NBEA: variants seen among roughly 807,000 people sequenced by gnomAD.
The protein encoded by NBEA is neurobeachin, also known as lysosomal-trafficking regulator 2.
In NBEA, 44 loss-of-function variants were observed where a neutral mutation model predicts 343.4. The ratio of observed to expected loss-of-function variants is 0.13; its 90% CI spans 0.10 to 0.16. The LOEUF is 0.16. NBEA is among the 10% of genes least tolerant of loss of function. NBEA has a pLI of 1.00. For missense variants in NBEA, 2,555 were observed against 3,631.3 expected, an observed-to-expected ratio of 0.70 and a Z score of 7.62; for synonymous variants, 1,175 against 1,238.7, an observed-to-expected ratio of 0.95 and a Z score of 1.08.
At chr13:34,998,952 A>T (rs1178850578) in intron 1 of NBEA, among the ~76,000 whole-genome samples, 1 of 152,118 alleles carries the variant, frequency 6.6e-6, no homozygotes, top group East Asian at 1.9e-4. Flanking sequence ...TGCAGTAAAG[A>T]CAGGCGTAAG....
intron 31 of NBEA, among the ~76,000 whole-genome samples, chr13:35,203,328 G>A (rs896862188): frequency 5.3e-5 from 8 of 152,030 alleles, no homozygotes; most frequent in Non-Finnish European, 1.2e-4. Context: ...CTCTGCCTGT[G>A]ATGCTCTTCT....
At chr13:34,963,714 C>CT (rs1566096520) in intron 1 of NBEA, among the ~76,000 whole-genome samples, 4 of 151,346 alleles carry the variant, frequency 2.6e-5, no homozygotes, top group Non-Finnish European at 5.9e-5. Context: ...TTCCCCCCCC[C>CT]GATATATTTT....
intron 11 of NBEA, among the ~76,000 whole-genome samples, chr13:35,101,287 T>G (rs2065635596): frequency 6.6e-6 from 1 of 151,946 alleles, no homozygotes; most frequent in South Asian, 2.1e-4. Context: ...GACTCCAGCA[T>G]TTTACATCCT....
chr13:35,568,701 T>C (rs893864369), intron 45 of NBEA, among the ~76,000 whole-genome samples: 4 of 152,186 alleles, frequency 2.6e-5, no homozygotes, highest in Non-Finnish European at 4.4e-5. Context: ...TTTTGAAATA[T>C]CAATATATAC....
At chr13:35,311,656 C>A (rs78726238) in intron 36 of NBEA, among the ~76,000 whole-genome samples, 6,303 of 152,182 alleles carry the variant, frequency 0.041, 152 homozygotes, top group South Asian at 0.078. Flanking sequence ...GAGTTTGAGA[C>A]CGGTCTGGCT....
rs1270858294 is a variant in NBEA at position 35,671,017 on chromosome 13, G to T, written c.*26G>T. ...AGATAAAGGAAGAACCAAAAGCCAA[G>T]TTAAAGCTGAGAGCACAAGTGCTGC... On this transcript the variant is annotated 3_prime_UTR_variant, in exon 59 of 59. Coordinates refer to ENST00000379939, the MANE Select transcript of NBEA (RefSeq NM_001385012.1). The T allele has an allele frequency of 3.3e-6, 5 of 1,514,166 alleles. No homozygotes were observed. The highest frequency in any genetic ancestry group is 4.5e-6 in the Non-Finnish European group (5 of 1,113,184). 93.8% of individuals were successfully genotyped at this position (1,514,166 alleles called of 1,614,324 possible).
intron 34 of NBEA, among the ~76,000 whole-genome samples, chr13:35,277,647 A>AG (rs1566556819): frequency 3.2e-5 from 4 of 124,218 alleles, no homozygotes; most frequent in South Asian, 3.0e-4. Context: ...AAAAAAAAAA[A>AG]AGTGGGGGAA....
intron 1 of NBEA, among the ~76,000 whole-genome samples, chr13:35,029,994 G>A (rs73167742): frequency 0.082 from 12,435 of 151,538 alleles, 633 homozygotes; most frequent in African/African-American, 0.14. Context: ...AAAGAACACC[G>A]TTAACTGTGC....
At chr13:35,577,777 T>C (rs1330655285) in intron 45 of NBEA, among the ~76,000 whole-genome samples, 1 of 152,154 alleles carries the variant, frequency 6.6e-6, no homozygotes, top group African/African-American at 2.4e-5. Context: ...TTCGAAGGGC[T>C]ACACTACTGG....
chr13:35,177,085 T>C lies in NBEA; in HGVS notation c.4644T>C (p.Ala1548=). ...ATGTTGATATCAATCGCCTTCGTGC[T>C]GTTGTCTTTCGGGATGTGGTAAGTT... ...LQDVDINRLR[A]VVFRDVDDSK... is the part of the protein sequence containing the mutation. The change falls in exon 28 of 59, where the codon GCT becomes GCC. Residue 1548 remains alanine, a synonymous_variant. Transcript: ENST00000379939. 6.2e-7 allele frequency: 1 copy of C among 1,600,580 alleles called. No individual in the cohort carries two copies. Among genetic ancestry groups the C allele is most frequent in the Non-Finnish European group, 8.5e-7 (1 of 1,172,274 alleles).
At chr13:35,364,842 G>C (rs541241638) in intron 38 of NBEA, among the ~76,000 whole-genome samples, 1 of 151,774 alleles carries the variant, frequency 6.6e-6, no homozygotes, top group Non-Finnish European at 1.5e-5. Flanking sequence ...AGCCTTAAAA[G>C]AATCCCATCT....
At chr13:35,309,626 G>A (rs887387959) in intron 36 of NBEA, 34 bp downstream of exon 36, 1 of 1,314,202 alleles carries the variant, frequency 7.6e-7, no homozygotes, top group Admixed American at 2.4e-5. Context: ...CAACTAGTCA[G>A]TGTACATTTT....
intron 41 of NBEA, among the ~76,000 whole-genome samples, chr13:35,491,643 A>G (rs2076503566): frequency 6.6e-6 from 1 of 151,918 alleles, no homozygotes; most frequent in Admixed American, 6.6e-5. Flanking sequence ...CTTGCAAGCC[A>G]CCATCATCTC....
intron 46 of NBEA, among the ~76,000 whole-genome samples, chr13:35,586,407 A>G (rs2081293423): frequency 6.6e-6 from 1 of 152,224 alleles, no homozygotes; most frequent in African/African-American, 2.4e-5. Context: ...ATAATTCTAC[A>G]CCAGCATAAG....
intron 41 of NBEA, chr13:35,475,277 C>G: frequency 6.2e-7 from 1 of 1,614,086 alleles, no homozygotes; most frequent in African/African-American, 1.3e-5. Flanking sequence ...CAGTCCGACT[C>G]TCGGGGATGC....
At chr13:35,152,318 G>A (rs1000792155) in intron 18 of NBEA, among the ~76,000 whole-genome samples, 1 of 152,122 alleles carries the variant, frequency 6.6e-6, no homozygotes, top group African/African-American at 2.4e-5. Flanking sequence ...TTTCAGAGGT[G>A]GACAGTATGT....
intron 45 of NBEA, among the ~76,000 whole-genome samples, chr13:35,569,411 A>T (rs1227982945): frequency 6.6e-6 from 1 of 152,222 alleles, no homozygotes; most frequent in African/African-American, 2.4e-5. Context: ...CTCAGGTAGC[A>T]TATTACAACC....
chr13:35,590,792 G>C (rs1189739709), intron 46 of NBEA, among the ~76,000 whole-genome samples: 2 of 152,086 alleles, frequency 1.3e-5, no homozygotes, highest in African/African-American at 4.8e-5. Context: ...AGTGGGTTCT[G>C]AAGATAAAAC....
chr13:35,520,075 C>A (rs1430579125), intron 41 of NBEA, among the ~76,000 whole-genome samples: 2 of 152,072 alleles, frequency 1.3e-5, no homozygotes, highest in Non-Finnish European at 2.9e-5. Context: ...TGAAACTGTT[C>A]CACCTCAGCT....
Sources: allele counts gnomAD v4.1 joint callset (sites outside exome capture counted in the v4.1 genomes callset), GRCh38; gene constraint gnomAD v4.1.1; transcripts MANE v1.5; gene names NCBI Gene and HGNC (gene_info 2026-07-23, HGNC 2026-07-21).